PRKG1: variants seen among roughly 807,000 people sequenced by gnomAD.
The protein encoded by PRKG1 is cGMP-dependent protein kinase 1.
Under a neutral mutation model 88.1 loss-of-function variants are expected in PRKG1, and 35 were observed. The ratio of observed to expected loss-of-function variants is 0.40; its 90% CI spans 0.30 to 0.53. The LOEUF is 0.53. Among genes scored for constraint, PRKG1 ranks in the 20% least tolerant of loss-of-function variants. PRKG1 has a pLI of 0.59. For missense variants in PRKG1, 540 were observed against 839.8 expected (o/e 0.64, Z 4.41); for synonymous variants, 303 against 292.5 (o/e 1.04, Z -0.37).
At chr10:51,239,967 C>T (rs562101412) in intron 2 of PRKG1, among the ~76,000 whole-genome samples, 1 of 152,286 alleles carries the variant, frequency 6.6e-6, no homozygotes, top group African/African-American at 2.4e-5. Flanking sequence ...TAAATACTGG[C>T]TATCAGTAAT....
chr10:51,164,460 GA>G (rs1285329151), intron 2 of PRKG1, among the ~76,000 whole-genome samples: 1 of 152,210 alleles, frequency 6.6e-6, no homozygotes, highest in East Asian at 1.9e-4. Context: ...AAACAGAGCA[GA>G]AAAACTGGAA....
intron 1 of PRKG1, among the ~76,000 whole-genome samples, chr10:51,022,588 T>A (rs542938420): frequency 6.6e-6 from 1 of 152,292 alleles, no homozygotes; most frequent in South Asian, 2.1e-4. Flanking sequence ...CTCTCAGCTC[T>A]TTAATGTAAA....
rs369671493 is a variant in PRKG1 at position 51,525,447 on chromosome 10, C to T, written c.592+57611C>T. Among the ~76,000 whole-genome samples, 6 of 152,158 alleles carry T rather than the reference C, an allele frequency of 3.9e-5. No individual in the cohort carries two copies. In the South Asian group the frequency reaches 1.0e-3, roughly 26 times the overall value. ...GGTGCAGTGGCTCACGCCTGTAATCCCAGCACTTTGGGAGGTCGAGGCAGG... is the reference window on the plus strand; with the variant it reads ...GGTGCAGTGGCTCACGCCTGTAATCTCAGCACTTTGGGAGGTCGAGGCAGG... On this transcript the variant is annotated intron_variant, in intron 3 of 17. Transcript: ENST00000373980.
At chr10:51,508,061 T>C (rs1192934788) in intron 3 of PRKG1, among the ~76,000 whole-genome samples, 1 of 152,174 alleles carries the variant, frequency 6.6e-6, no homozygotes, top group Non-Finnish European at 1.5e-5. Context: ...ATTCAAGTCC[T>C]AGCTTTGTCA....
intron 12 of PRKG1, among the ~76,000 whole-genome samples, chr10:52,280,273 C>A (rs1278988014): frequency 6.6e-6 from 1 of 152,100 alleles, no homozygotes; most frequent in African/African-American, 2.4e-5. Flanking sequence ...TAACTTATTT[C>A]CGGAGTGGTT....
chr10:52,022,897 C>T (rs1051395638), intron 5 of PRKG1, among the ~76,000 whole-genome samples: 2 of 151,984 alleles, frequency 1.3e-5, no homozygotes, highest in African/African-American at 4.8e-5. Flanking sequence ...AAATGCAGAA[C>T]TTTTGGTCGT....
At chr10:51,530,197 C>G (rs1486791065) in intron 3 of PRKG1, among the ~76,000 whole-genome samples, 1 of 152,112 alleles carries the variant, frequency 6.6e-6, no homozygotes, top group African/African-American at 2.4e-5. Context: ...ATGTACTGAC[C>G]TTTCAAATCA....
intron 7 of PRKG1, among the ~76,000 whole-genome samples, chr10:52,089,814 T>TTG: frequency 7.9e-6 from 1 of 127,144 alleles, no homozygotes; most frequent in Non-Finnish European, 1.6e-5. Context: ...CTTTTTTTTT[T>TTG]TTTTTTTTTT....
At chr10:51,286,422 C>CT (rs919048668) in intron 2 of PRKG1, among the ~76,000 whole-genome samples, 19 of 152,124 alleles carry the variant, frequency 1.2e-4, no homozygotes, top group Non-Finnish European at 2.4e-4. Flanking sequence ...CATTTTATAC[C>CT]TTTTCCCTTC....
At chr10:51,108,095 A>G (rs1844891460) in intron 1 of PRKG1, among the ~76,000 whole-genome samples, 1 of 152,170 alleles carries the variant, frequency 6.6e-6, no homozygotes, top group Admixed American at 6.5e-5. Context: ...TATCAAATAA[A>G]TTAAGTTTAT....
chr10:51,916,178 A>T (rs1404831447), intron 5 of PRKG1, among the ~76,000 whole-genome samples: 1 of 152,180 alleles, frequency 6.6e-6, no homozygotes, highest in African/African-American at 2.4e-5. Context: ...CAGTTAAGGC[A>T]CTCTAATTCA....
Position 51,570,083 on chromosome 10 carries a change from A to T in PRKG1, c.592+102247A>T, listed in dbSNP as rs561598857. 3.1e-3 allele frequency among the ~76,000 whole-genome samples: 408 copies of T among 133,340 alleles called. 35 individuals are homozygous for T. Among genetic ancestry groups the T allele is most frequent in the African/African-American group, 0.015 (371 of 25,372 alleles). 87.5% of individuals were successfully genotyped at this position (133,340 alleles called of 152,430 possible). On this transcript the variant is annotated intron_variant, in intron 3 of 17. Coordinates refer to ENST00000373980, the MANE Select transcript of PRKG1 (RefSeq NM_006258.4). Reference sequence around the variant, plus strand: ...TATATATATATGTGTGTGTGTGTTTATATATGTATATATATGATATAAGGA... The same window carrying T: ...TATATATATATGTGTGTGTGTGTTTTTATATGTATATATATGATATAAGGA...
intron 9 of PRKG1, among the ~76,000 whole-genome samples, chr10:52,233,973 C>CG (rs1208616048): frequency 2.0e-5 from 3 of 151,674 alleles, no homozygotes; most frequent in African/African-American, 7.3e-5. Context: ...ATCTGAGAAC[C>CG]GGCAGACTGC....
At chr10:51,421,595 G>A (rs1197601463) in intron 2 of PRKG1, among the ~76,000 whole-genome samples, 1 of 152,144 alleles carries the variant, frequency 6.6e-6, no homozygotes, top group Admixed American at 6.5e-5. Context: ...GCCCTGGTAA[G>A]TAGATGAACT....
chr10:51,830,556 T>G (rs532219581), intron 4 of PRKG1, among the ~76,000 whole-genome samples: 3 of 93,692 alleles, frequency 3.2e-5, no homozygotes, highest in African/African-American at 9.8e-5. Flanking sequence ...GTGTTTTTTT[T>G]TTTGTTTTTT....
chr10:51,886,439 C>A (rs1193486324), intron 4 of PRKG1, among the ~76,000 whole-genome samples: 1 of 152,052 alleles, frequency 6.6e-6, no homozygotes, highest in Non-Finnish European at 1.5e-5. Context: ...ATTAGAACAA[C>A]CCAGATATTT....
chr10:51,756,740 G>A (rs1419628866), intron 3 of PRKG1, among the ~76,000 whole-genome samples: 5 of 151,948 alleles, frequency 3.3e-5, no homozygotes, highest in African/African-American at 4.8e-5. Flanking sequence ...GCGTGAACCC[G>A]GGAGGCAGAG....
At chr10:51,806,582 T>C (rs962066726) in intron 4 of PRKG1, among the ~76,000 whole-genome samples, 1 of 152,192 alleles carries the variant, frequency 6.6e-6, no homozygotes, top group Non-Finnish European at 1.5e-5. Flanking sequence ...CAAGTTCACA[T>C]TGTTTGTGAA....
chr10:51,310,752 G>A (rs890702264), intron 2 of PRKG1, among the ~76,000 whole-genome samples: 3 of 152,026 alleles, frequency 2.0e-5, no homozygotes, highest in African/African-American at 4.8e-5. Flanking sequence ...CTAGTTGTAA[G>A]GATACAACAT....
Sources: allele counts gnomAD v4.1 joint callset (sites outside exome capture counted in the v4.1 genomes callset), GRCh38; gene constraint gnomAD v4.1.1; transcripts MANE v1.5; gene names NCBI Gene and HGNC (gene_info 2026-07-23, HGNC 2026-07-21).